Variants in MYO9A observed in about 807,000 individuals in gnomAD.
The protein encoded by MYO9A is unconventional myosin-IXa.
In MYO9A, 103 loss-of-function variants were observed where a neutral mutation model predicts 293.3. The ratio of observed to expected loss-of-function variants is 0.35; its 90% CI spans 0.30 to 0.41. The LOEUF (loss-of-function observed/expected upper bound fraction) is 0.41, where lower values mean the gene tolerates loss of function less well. Among genes scored for constraint, MYO9A ranks in the 10% least tolerant of loss-of-function variants. The pLI is 1.00. For missense variants in MYO9A, 2,685 were observed against 3,033.0 expected, an observed-to-expected ratio of 0.89 and a Z score of 2.69; for synonymous variants, 1,001 against 1,035.7, an observed-to-expected ratio of 0.97 and a Z score of 0.64.
intron 1 of MYO9A, among the ~76,000 whole-genome samples, chr15:72,105,955 G>T (rs2080552717): frequency 6.6e-6 from 1 of 151,964 alleles, no homozygotes; most frequent in African/African-American, 2.4e-5. Context: ...CCGTAAAAAA[G>T]AATGAGAAAC....
chr15:72,002,151 T>C (rs1039522064), intron 8 of MYO9A, among the ~76,000 whole-genome samples: 3 of 152,066 alleles, frequency 2.0e-5, no homozygotes, highest in East Asian at 1.9e-4. Context: ...GGCGGGAAGA[T>C]TGTTTGAGCC....
At chr15:72,052,931 C>G (rs1329986887) in intron 1 of MYO9A, among the ~76,000 whole-genome samples, 2 of 152,170 alleles carry the variant, frequency 1.3e-5, no homozygotes, top group African/African-American at 4.8e-5. Flanking sequence ...AAAACTCAGG[C>G]AGAGGCGCCA....
intron 1 of MYO9A, among the ~76,000 whole-genome samples, chr15:72,101,154 G>A (rs2080293095): frequency 7.0e-6 from 1 of 143,200 alleles, no homozygotes; most frequent in African/African-American, 2.6e-5. Context: ...CGCCCCGTCT[G>A]GGAGGTGAGG....
At chr15:71,878,017 T>G in intron 31 of MYO9A, 23 bp downstream of exon 31, 1 of 1,537,996 alleles carries the variant, frequency 6.5e-7, no homozygotes, top group East Asian at 2.3e-5. Context: ...ATCCTTTAAG[T>G]AATCAAAATA....
At chr15:72,090,279 T>G (rs1199623221) in intron 1 of MYO9A, among the ~76,000 whole-genome samples, 1 of 152,234 alleles carries the variant, frequency 6.6e-6, no homozygotes, top group Admixed American at 6.5e-5. Context: ...TATAATATAC[T>G]AACTTTATAT....
rs2054436047 is a variant in MYO9A at position 71,825,376 on chromosome 15, TAA to T, written c.*1202_*1203del. 1 of 152,190 alleles carries T rather than the reference TAA, an allele frequency of 6.6e-6. No individual in the cohort carries two copies. Among genetic ancestry groups the T allele is most frequent in the Non-Finnish European group, 1.5e-5 (1 of 68,030 alleles). The allele number at this position is 152,190 out of a possible 1,614,324, so 9.4% of individuals were successfully genotyped here. A position where few individuals can be genotyped will look rare whatever the true frequency, so the allele number is the denominator to read the frequency against. ...GCCTACTATACATACATATTTACAA[TAA>T]ACTTCAGTAACCAGAATATTAACAA... On this transcript the variant is annotated 3_prime_UTR_variant, in exon 42 of 42. Transcript: ENST00000356056.
intron 11 of MYO9A, among the ~76,000 whole-genome samples, chr15:71,988,799 A>G (rs555460683): frequency 1.5e-4 from 23 of 152,338 alleles, no homozygotes; most frequent in African/African-American, 5.5e-4. Flanking sequence ...TCTGGGGTAC[A>G]ATGTAAACCT....
intron 13 of MYO9A, among the ~76,000 whole-genome samples, chr15:71,964,730 T>C (rs1257954795): frequency 6.6e-6 from 1 of 151,736 alleles, no homozygotes; most frequent in Non-Finnish European, 1.5e-5. Flanking sequence ...GAGGTTGCAG[T>C]GAGCCGAGAT....
rs1265875005 is a variant in MYO9A, at chr15:71,943,093, G to A, written c.2303-4166C>T. 2.0e-5 allele frequency among the ~76,000 whole-genome samples: 3 copies of A among 151,880 alleles called. 1 individual carries two copies. Among genetic ancestry groups the A allele is most frequent in the African/African-American group, 7.2e-5 (3 of 41,388 alleles). Reference sequence around the variant, plus strand: ...AAAATTCATTGAGAGTTTAACTGGTGAGTGTAAACCATTTATATTAATTTT... The same window carrying A: ...AAAATTCATTGAGAGTTTAACTGGTAAGTGTAAACCATTTATATTAATTTT... On this transcript the variant is annotated intron_variant, in intron 15 of 41. Coordinates refer to ENST00000356056, the MANE Select transcript of MYO9A (RefSeq NM_006901.4).
intron 11 of MYO9A, among the ~76,000 whole-genome samples, chr15:71,989,030 G>C (rs2076473749): frequency 6.6e-6 from 1 of 152,080 alleles, no homozygotes; most frequent in Non-Finnish European, 1.5e-5. Flanking sequence ...TAGTAGCTGG[G>C]ATTACAGGCT....
chr15:71,904,955 C>A lies in MYO9A; in HGVS notation c.2737G>T (p.Val913Leu), dbSNP rs771291182. 1.9e-6 allele frequency: 3 copies of A among 1,604,970 alleles called. No individual in the cohort carries two copies. Among genetic ancestry groups the A allele is most frequent in the Non-Finnish European group, 2.6e-6 (3 of 1,174,084 alleles). Residue 913 changes from valine (V) to leucine (L), a missense_variant, in exon 20 of 42, where the codon GTA (valine) becomes TTA (leucine). Physicochemically the swap from Val to Leu is conservative, Grantham distance 32. Around this residue, in one of 10 missense-constraint regions of MYO9A, gnomAD observed 1,434 missense variants for 1,497.7 expected, o/e 0.96. Coordinates refer to ENST00000356056, the MANE Select transcript of MYO9A (RefSeq NM_006901.4). ...ETLGQAEPYFVKCIRSNAEKL... is the reference protein window; with the variant it reads ...ETLGQAEPYFLKCIRSNAEKL... ...TCAGCATTAGAGCGAATGCATTTTA[C>A]AAAATATGGTTCTGCTTGACCAAGT...
At chr15:71,986,291 G>A (rs973979841) in intron 11 of MYO9A, among the ~76,000 whole-genome samples, 1 of 152,192 alleles carries the variant, frequency 6.6e-6, no homozygotes, top group African/African-American at 2.4e-5. Flanking sequence ...TTGAGCATCT[G>A]TGGATTTTGG....
At chr15:71,893,531 ATAAC>A (rs1403709748) in intron 26 of MYO9A, 144 bp downstream of exon 26, 1 of 677,508 alleles carries the variant, frequency 1.5e-6, no homozygotes, top group Non-Finnish European at 2.4e-6. Flanking sequence ...CTTCATAATT[ATAAC>A]AATCTCCGCT....
intron 13 of MYO9A, among the ~76,000 whole-genome samples, chr15:71,961,390 C>G (rs2075735413): frequency 6.6e-6 from 1 of 151,966 alleles, no homozygotes. Context: ...AAATGAAGAC[C>G]AAGAGATCAG....
At chr15:71,920,112 GATACAGAATTATTTCCTTTCT>G (rs1159332097) in intron 18 of MYO9A, among the ~76,000 whole-genome samples, 3 of 152,092 alleles carry the variant, frequency 2.0e-5, no homozygotes, top group African/African-American at 7.2e-5. Flanking sequence ...GAGGTAAAGG[GATACAGAATTATTTCCTTTCT>G]TAGGGCTTCA....
chr15:71,904,821 A>C, intron 20 of MYO9A, 105 bp downstream of exon 20: 1 of 653,702 alleles, frequency 1.5e-6, no homozygotes, highest in Non-Finnish European at 2.4e-6. Context: ...TTTCCTTATA[A>C]ATATTATAGT....
At chr15:71,844,302 C>T (rs1392409359) in intron 39 of MYO9A, among the ~76,000 whole-genome samples, 1 of 152,170 alleles carries the variant, frequency 6.6e-6, no homozygotes, top group Non-Finnish European at 1.5e-5. Flanking sequence ...TACCCACATT[C>T]AATCACCTAA....
intron 1 of MYO9A, among the ~76,000 whole-genome samples, chr15:72,088,691 T>A (rs752008666): frequency 2.8e-4 from 42 of 152,172 alleles, no homozygotes; most frequent in Non-Finnish European, 1.5e-5. Context: ...CAGTAAAAAA[T>A]ATATATATGT....
intron 11 of MYO9A, among the ~76,000 whole-genome samples, chr15:71,984,996 T>C (rs1314067473): frequency 6.6e-6 from 1 of 152,202 alleles, no homozygotes; most frequent in Non-Finnish European, 1.5e-5. Context: ...CTCAGCTCAC[T>C]GCAACCTCCG....
Sources: gnomAD v4.1 joint callset for allele counts (sites outside exome capture counted in the v4.1 genomes callset) on GRCh38, gnomAD v4.1.1 for gene constraint, gnomAD v4.1.1 regional missense constraint, MANE v1.5 for transcripts, NCBI Gene and HGNC (gene_info 2026-07-23, HGNC 2026-07-21) for gene names.